Variants in GON4L observed in about 807,000 individuals in gnomAD.
The protein encoded by GON4L is gon-4 like, also known as GON-4-like protein.
GON4L carries 87 observed loss-of-function variants against 211.8 expected under a neutral mutation model. The observed-to-expected ratio is 0.41, with a 90% CI of 0.35 to 0.49. GON4L has a LOEUF of 0.49. GON4L is among the 20% of genes least tolerant of loss of function. The pLI, the probability that GON4L is intolerant of heterozygous loss-of-function variation, is 0.15. For missense variants in GON4L, 2,155 were observed against 2,659.5 expected (o/e 0.81, Z 4.17); for synonymous variants, 875 against 962.6 (o/e 0.91, Z 1.68).
At chr1:155,773,259 G>A in intron 17 of GON4L, 49 bp from the exon 18 acceptor site, 2 of 1,607,948 alleles carry the variant, frequency 1.2e-6, no homozygotes, top group Non-Finnish European at 1.7e-6. Context: ...ACAAAAGAGG[G>A]CTTCATAAAA....
upstream of GON4L, among the ~76,000 whole-genome samples, chr1:155,858,810 G>A (rs1672474434): frequency 6.7e-6 from 1 of 149,532 alleles, no homozygotes; most frequent in Non-Finnish European, 1.5e-5. Flanking sequence ...GGGCTCAAGC[G>A]ATCCTCGTGT....
intron 11 of GON4L, among the ~76,000 whole-genome samples, chr1:155,798,179 GTGC>G (rs1666266607): frequency 6.7e-6 from 1 of 149,866 alleles, no homozygotes; most frequent in African/African-American, 2.4e-5. Context: ...TGAAAAATCT[GTGC>G]TGATTAAACC....
intron 2 of GON4L, among the ~76,000 whole-genome samples, chr1:155,838,097 AC>A (rs1281841639): frequency 9.7e-6 from 1 of 103,018 alleles, no homozygotes; most frequent in East Asian, 2.1e-4. Flanking sequence ...CATCTCTAAA[AC>A]AAAACAAAAA....
chr1:155,810,285 C>A (rs1054545661), intron 10 of GON4L, among the ~76,000 whole-genome samples: 3 of 151,694 alleles, frequency 2.0e-5, no homozygotes, highest in African/African-American at 7.3e-5. Context: ...TGAGCCACCA[C>A]ACCCAGCCTT....
chr1:155,799,669 C>A lies in GON4L; in HGVS notation c.1646-4518G>T, dbSNP rs558894938. On this transcript the variant is annotated intron_variant, in intron 11 of 31. Coordinates refer to ENST00000368331, the MANE Select transcript of GON4L (RefSeq NM_001282860.2). ...AAATCTGTATCTTTAATAAACATCA[C>A]CCTACATATCCATACACTCTTCAAT... Among the ~76,000 whole-genome samples the A allele has an allele frequency of 2.0e-5, 3 of 152,250 alleles. No individual in the cohort carries two copies. In the East Asian group the frequency reaches 5.8e-4, roughly 29 times the overall value.
chr1:155,814,501 C>T, intron 8 of GON4L, 52 bp from the exon 9 acceptor site: 1 of 1,580,036 alleles, frequency 6.3e-7, no homozygotes, highest in Non-Finnish European at 8.7e-7. Context: ...CCTCATTCCA[C>T]AAAGTCTGAA....
intron 2 of GON4L, among the ~76,000 whole-genome samples, chr1:155,851,137 G>T (rs1299758696): frequency 6.9e-6 from 1 of 145,962 alleles, no homozygotes; most frequent in Non-Finnish European, 1.5e-5. Context: ...GGTGGATCAC[G>T]AGGTCATGAA....
Position 155,752,482 on chromosome 1 carries a change from G to A in GON4L, c.5951C>T (p.Pro1984Leu), listed in dbSNP as rs1297291788. 3 of 1,579,942 alleles carry A rather than the reference G, an allele frequency of 1.9e-6. No individual in the cohort carries two copies. Among genetic ancestry groups the A allele is most frequent in the Non-Finnish European group, 2.6e-6 (3 of 1,163,438 alleles). The change falls in exon 30 of 32, where the codon CCC becomes CTC. Residue 1984 changes from proline (P) to leucine (L), a missense_variant. This residue lies in a region of GON4L where 455 missense variants were observed against 504.6 expected (regional missense o/e 0.90). Transcript: ENST00000368331. ...GTACAGTACAGCTCCAGTTGTGGGG[G>A]GAAATTGAGGAGTCTCTGGTGAATG... is the stretch of plus-strand genomic sequence containing the variant. ...PPHSPETPQF[P>L]PTTGAVLYTV...
At chr1:155,786,865 C>T (rs1664992257) in intron 12 of GON4L, among the ~76,000 whole-genome samples, 2 of 152,026 alleles carry the variant, frequency 1.3e-5, no homozygotes, top group South Asian at 4.1e-4. Context: ...ACCTTGGCCT[C>T]CCTAAGTGTT....
intron 2 of GON4L, chr1:155,845,946 A>G (rs910902483): frequency 4.6e-6 from 1 of 216,284 alleles, no homozygotes; most frequent in Admixed American, 4.2e-5. Flanking sequence ...ATCACAAACC[A>G]GGTCCTGGAT....
chr1:155,835,581 T>C (rs898252243), intron 2 of GON4L, among the ~76,000 whole-genome samples: 22 of 152,144 alleles, frequency 1.4e-4, no homozygotes, highest in African/African-American at 5.3e-4. Flanking sequence ...CTAGGTGCTC[T>C]GGGATTTTCG....
rs1474974282 is a variant in GON4L at position 155,751,760 on chromosome 1, C to T, written c.6576+7G>A. The T allele has an allele frequency of 1.4e-5, 23 of 1,598,908 alleles. No individual in the cohort carries two copies. Among genetic ancestry groups the T allele is most frequent in the Non-Finnish European group, 2.0e-5 (23 of 1,167,810 alleles). On this transcript the variant is annotated splice_region_variant and intron_variant, in intron 31 of 31. Coordinates refer to ENST00000368331, the MANE Select transcript of GON4L (RefSeq NM_001282860.2). Reference sequence around the variant, plus strand: ...TTTGCCAGGTCTTCACCCCAACCCGCACCTACCTCAGCAGGGGTCTTATTT... The same window carrying T: ...TTTGCCAGGTCTTCACCCCAACCCGTACCTACCTCAGCAGGGGTCTTATTT...
At chr1:155,785,520 T>A in intron 12 of GON4L, 146 bp from the exon 13 acceptor site, 1 of 707,546 alleles carries the variant, frequency 1.4e-6, no homozygotes, top group Non-Finnish European at 2.6e-6. Context: ...GGTCTCACTA[T>A]GTCACTCAGG....
chr1:155,764,407 C>T (rs2101724135), intron 21 of GON4L: 1 of 180,622 alleles, frequency 5.5e-6, no homozygotes, highest in East Asian at 1.5e-4. Flanking sequence ...GCGTGAGCCA[C>T]CGTGCCCAGT....
chr1:155,842,795 C>T (rs1670897795), intron 2 of GON4L, among the ~76,000 whole-genome samples: 1 of 151,966 alleles, frequency 6.6e-6, no homozygotes, highest in Non-Finnish European at 1.5e-5. Context: ...CAAGATAGCA[C>T]CACTGCACTC....
At chr1:155,781,796 G>A (rs1414254917) in intron 14 of GON4L, among the ~76,000 whole-genome samples, 1 of 151,122 alleles carries the variant, frequency 6.6e-6, no homozygotes, top group African/African-American at 2.4e-5. Flanking sequence ...TCACTCTGTT[G>A]CCCAGGCTGG....
Position 155,765,844 on chromosome 1 carries a change from C to T in GON4L, c.3629G>A (p.Gly1210Asp). 1 of 1,614,086 alleles carries T rather than the reference C, an allele frequency of 6.2e-7. No individual in the cohort carries two copies. The highest frequency in any genetic ancestry group is 8.5e-7 in the Non-Finnish European group (1 of 1,180,020). Reference sequence around the variant, plus strand: ...TGGTATAGGAAGATTCACAGAATTGCCAGAAACAATTAAGGGTGAGACAGA... The same window carrying T: ...TGGTATAGGAAGATTCACAGAATTGTCAGAAACAATTAAGGGTGAGACAGA... ...ASSVSPLIVS[G>D]NSVNLPIPST... is the part of the protein sequence containing the mutation. The change falls in exon 21 of 32, where the codon GGC (glycine) becomes GAC (aspartate). Residue 1210 changes from glycine to aspartate, a missense_variant. Coordinates refer to ENST00000368331, the MANE Select transcript of GON4L (RefSeq NM_001282860.2).
chr1:155,788,813 G>T (rs1053719746), intron 12 of GON4L, among the ~76,000 whole-genome samples: 3 of 152,098 alleles, frequency 2.0e-5, no homozygotes, highest in Non-Finnish European at 2.9e-5. Context: ...AAAAAAAGCC[G>T]GGCGCAGTGG....
intron 2 of GON4L, among the ~76,000 whole-genome samples, chr1:155,852,923 A>C (rs1283058196): frequency 6.6e-6 from 1 of 152,044 alleles, no homozygotes; most frequent in Non-Finnish European, 1.5e-5. Flanking sequence ...GACCAGCTTG[A>C]CCAACATGGT....
Sources: allele counts gnomAD v4.1 joint callset (sites outside exome capture counted in the v4.1 genomes callset), GRCh38; gene constraint gnomAD v4.1.1; regional missense constraint gnomAD v4.1.1; transcripts MANE v1.5; gene names NCBI Gene and HGNC (gene_info 2026-07-23, HGNC 2026-07-21).